Variants in NRG1 observed in about 807,000 individuals in gnomAD.
NRG1 encodes pro-neuregulin-1, membrane-bound isoform.
NRG1 carries 18 observed loss-of-function variants against 63.8 expected under a neutral mutation model. The observed-to-expected ratio is 0.28, with a 90% CI of 0.19 to 0.42. The LOEUF (loss-of-function observed/expected upper bound fraction) is 0.42. Among genes scored for constraint, NRG1 ranks in the 10% least tolerant of loss-of-function variants. The probability of loss-of-function intolerance (pLI) is 1.00; values close to 1 mark genes in which losing one functional copy is unlikely to be tolerated. For synonymous variants in NRG1, 302 were observed against 301.3 expected, an observed-to-expected ratio of 1.00 and a Z score of -0.02; for missense variants, 762 against 814.7, an observed-to-expected ratio of 0.94 and a Z score of 0.79.
chr8:32,017,334 C>T lies in NRG1; in HGVS notation c.37+377903C>T, dbSNP rs141942999. 1.9e-3 allele frequency among the ~76,000 whole-genome samples: 290 copies of T among 152,240 alleles called. 4 individuals are homozygous for T. The East Asian group carries it at 0.03, about 16-fold the overall frequency. On this transcript the variant is annotated intron_variant, in intron 1 of 10. Transcript: ENST00000519301. Reference sequence around the variant, plus strand: ...GAAAAAACACAAACTGTTTTCCCTCCGCTCTCACACCACAACAATCAACAC... The same window carrying T: ...GAAAAAACACAAACTGTTTTCCCTCTGCTCTCACACCACAACAATCAACAC...
intron 1 of NRG1, among the ~76,000 whole-genome samples, chr8:32,170,812 T>C (rs2132002089): frequency 6.6e-6 from 1 of 152,316 alleles, no homozygotes; most frequent in East Asian, 1.9e-4. Flanking sequence ...CTAGTCGATA[T>C]TTGGTTTTAT....
intron 1 of NRG1, among the ~76,000 whole-genome samples, chr8:32,294,251 G>A (rs1854578302): frequency 6.6e-6 from 1 of 152,068 alleles, no homozygotes. Context: ...GTTTTGGGCA[G>A]AAAACGCATT....
chr8:32,542,615 TC>T (rs1286614294), intron 1 of NRG1, among the ~76,000 whole-genome samples: 1 of 152,082 alleles, frequency 6.6e-6, no homozygotes, highest in African/African-American at 2.4e-5. Context: ...GTGCAAAGGC[TC>T]TAAGGCTGCA....
chr8:32,679,804 C>G (rs1333262384), intron 5 of NRG1, among the ~76,000 whole-genome samples: 1 of 152,148 alleles, frequency 6.6e-6, no homozygotes, highest in African/African-American at 2.4e-5. Context: ...GATATTCTTG[C>G]ATGGAAACAT....
In NRG1 at chr8:32,453,596, G is replaced by A. The variant is rs1037562663; in HGVS notation, c.38-142232G>A. 5.3e-5 allele frequency among the ~76,000 whole-genome samples: 8 copies of A among 152,216 alleles called. 1 individual carries two copies. Among genetic ancestry groups the A allele is most frequent in the Admixed American group, 4.6e-4 (7 of 15,284 alleles). ...TTATAGGAAAGAGTGAACTATAAAT[G>A]TCTTTCAGGAGGTGGGTAGGACCAT... is the stretch of plus-strand genomic sequence containing the variant. On this transcript the variant is annotated intron_variant, in intron 1 of 10. Transcript: ENST00000519301.
At chr8:32,764,469 A>G in exon 12 of NRG1, 1 of 1,291,186 alleles carries the variant, frequency 7.7e-7, no homozygotes, top group South Asian at 1.9e-5. Context: ...TCCACCTTAA[A>G]TTAAACAATT....
intron 1 of NRG1, among the ~76,000 whole-genome samples, chr8:32,137,685 A>C (rs1585578638): frequency 6.6e-6 from 1 of 151,880 alleles, no homozygotes; most frequent in African/African-American, 2.4e-5. Flanking sequence ...CCTCTTCTCC[A>C]CCTCCGCTTT....
intron 1 of NRG1, among the ~76,000 whole-genome samples, chr8:31,841,829 G>A (rs1166367186): frequency 6.6e-6 from 1 of 152,102 alleles, no homozygotes; most frequent in Admixed American, 6.5e-5. Flanking sequence ...ACATTTGTAA[G>A]ATTTAAAGAG....
chr8:32,296,307 T>C (rs2129474562), intron 1 of NRG1, among the ~76,000 whole-genome samples: 1 of 152,086 alleles, frequency 6.6e-6, no homozygotes, highest in African/African-American at 2.4e-5. Flanking sequence ...ACTTCCTTAA[T>C]GGCCAGGTGC....
intron 5 of NRG1, among the ~76,000 whole-genome samples, chr8:32,683,290 G>A (rs1380417044): frequency 6.6e-6 from 1 of 152,154 alleles, no homozygotes; most frequent in Non-Finnish European, 1.5e-5. Flanking sequence ...CATAAAGCAA[G>A]GAAACACGGG....
chr8:32,755,409 C>A (rs879723518), intron 8 of NRG1, among the ~76,000 whole-genome samples: 2 of 152,048 alleles, frequency 1.3e-5, no homozygotes, highest in Non-Finnish European at 2.9e-5. Flanking sequence ...TGCTTTTATG[C>A]CACAAAATCC....
intron 1 of NRG1, among the ~76,000 whole-genome samples, chr8:32,227,665 C>T (rs1374098712): frequency 6.6e-6 from 1 of 152,144 alleles, no homozygotes. Flanking sequence ...CAAGTTTATA[C>T]TAGCTGAGCA....
intron 1 of NRG1, among the ~76,000 whole-genome samples, chr8:31,761,257 A>T (rs1210406996): frequency 1.3e-5 from 2 of 152,106 alleles, no homozygotes; most frequent in Non-Finnish European, 2.9e-5. Flanking sequence ...AACAATGAGA[A>T]CACATGGACA....
In NRG1 at chr8:32,586,967, C is replaced by G. The variant is rs571776331; in HGVS notation, c.101-8861C>G. Among the ~76,000 whole-genome samples the G allele has an allele frequency of 3.9e-5, 6 of 152,248 alleles. No individual in the cohort carries two copies. The South Asian group carries it at 1.2e-3, about 32-fold the overall frequency. ...CTTATAATCCCAGCACTTTGGGAGG[C>G]TAGAGCAAGAGGATTCCTTGAAGAG... is the stretch of plus-strand genomic sequence containing the variant. On this transcript the variant is annotated intron_variant, in intron 1 of 11. Coordinates refer to ENST00000356819, the Ensembl canonical transcript of NRG1.
intron 1 of NRG1, among the ~76,000 whole-genome samples, chr8:31,644,903 G>A (rs1804145775): frequency 6.6e-6 from 1 of 151,706 alleles, no homozygotes; most frequent in African/African-American, 2.4e-5. Context: ...TTAATGAATG[G>A]GTATTTTGAT....
intron 5 of NRG1, among the ~76,000 whole-genome samples, chr8:32,674,661 A>G (rs867170987): frequency 2.0e-5 from 3 of 152,224 alleles, no homozygotes; most frequent in South Asian, 2.1e-4. Flanking sequence ...TGCTGAATGC[A>G]TGGCTTTTCA....
chr8:32,671,004 C>T (rs968876591), intron 5 of NRG1, among the ~76,000 whole-genome samples: 4 of 152,144 alleles, frequency 2.6e-5, no homozygotes, highest in Non-Finnish European at 5.9e-5. Context: ...ACCCAGATTT[C>T]TGTTAGCCCC....
intron 1 of NRG1, among the ~76,000 whole-genome samples, chr8:31,857,458 G>A (rs866044134): frequency 1.5e-4 from 23 of 152,198 alleles, no homozygotes; most frequent in Admixed American, 2.0e-4. Context: ...GCAATGCCTC[G>A]CCCTGCTTTG....
intron 1 of NRG1, among the ~76,000 whole-genome samples, chr8:32,100,827 T>C (rs1423851800): frequency 6.6e-6 from 1 of 152,208 alleles, no homozygotes; most frequent in East Asian, 1.9e-4. Flanking sequence ...GTTCGTGATA[T>C]CTGATGACGC....
Sources: gnomAD v4.1 joint callset for allele counts (sites outside exome capture counted in the v4.1 genomes callset) on GRCh38, gnomAD v4.1.1 for gene constraint, MANE v1.5 for transcripts, NCBI Gene and HGNC (gene_info 2026-07-23, HGNC 2026-07-21) for gene names.